Variants in MCTP1 observed in about 807,000 individuals in gnomAD.
The protein encoded by MCTP1 is multiple C2 and transmembrane domain-containing protein 1.
In MCTP1, 69 loss-of-function variants were observed where a neutral mutation model predicts 120.6. That is an observed-to-expected ratio of 0.57 (90% confidence interval 0.47 to 0.70). The LOEUF (loss-of-function observed/expected upper bound fraction) is 0.70, where lower values mean the gene tolerates loss of function less well. Ranked by LOEUF, MCTP1 falls within the 30% of genes least tolerant of loss-of-function variation. The pLI is 0.00. For synonymous variants in MCTP1, 529 were observed against 493.1 expected (o/e 1.07, Z -0.96); for missense variants, 1,203 against 1,248.8 (o/e 0.96, Z 0.55).
intron 1 of MCTP1, among the ~76,000 whole-genome samples, chr5:95,144,806 T>C (rs779218667): frequency 3.9e-5 from 6 of 152,198 alleles, no homozygotes; most frequent in Non-Finnish European, 8.8e-5. Context: ...TTGGTTACTA[T>C]AGCCTTGTAG....
intron 1 of MCTP1, among the ~76,000 whole-genome samples, chr5:95,245,440 A>G (rs1439409270): frequency 6.6e-6 from 1 of 152,186 alleles, no homozygotes; most frequent in African/African-American, 2.4e-5. Flanking sequence ...AAAAAGTTAG[A>G]CAAATGGCTA....
At chr5:95,216,248 T>C (rs569642048) in intron 1 of MCTP1, among the ~76,000 whole-genome samples, 1 of 152,316 alleles carries the variant, frequency 6.6e-6, no homozygotes, top group East Asian at 1.9e-4. Flanking sequence ...GTCATGTTAT[T>C]TACAGATAAC....
chr5:94,858,588 A>C (rs532259905), intron 17 of MCTP1, among the ~76,000 whole-genome samples: 1 of 151,766 alleles, frequency 6.6e-6, no homozygotes, highest in South Asian at 2.1e-4. Context: ...AGGACAATTT[A>C]ACTTACAAAC....
intron 18 of MCTP1, among the ~76,000 whole-genome samples, chr5:94,794,195 C>G (rs1165997373): frequency 6.6e-6 from 1 of 152,130 alleles, no homozygotes; most frequent in East Asian, 1.9e-4. Flanking sequence ...AATATCATGA[C>G]AGTAAAAATG....
chr5:95,211,320 C>T (rs557093564), intron 1 of MCTP1, among the ~76,000 whole-genome samples: 6 of 152,174 alleles, frequency 3.9e-5, no homozygotes, highest in African/African-American at 4.8e-5. Context: ...ACCAATCAGA[C>T]GTAGATTTGG....
intron 2 of MCTP1, among the ~76,000 whole-genome samples, chr5:94,956,112 T>C (rs1414784214): frequency 6.6e-6 from 1 of 152,200 alleles, no homozygotes; most frequent in Non-Finnish European, 1.5e-5. Flanking sequence ...CTGCTGGTGA[T>C]ACCCAGGCAA....
intron 18 of MCTP1, among the ~76,000 whole-genome samples, chr5:94,790,618 C>T (rs1778690312): frequency 6.6e-6 from 1 of 152,066 alleles, no homozygotes; most frequent in Admixed American, 6.5e-5. Context: ...TCATGTCGGG[C>T]CTTAAAATGG....
At chr5:95,019,963 G>T (rs1397349323) in intron 1 of MCTP1, among the ~76,000 whole-genome samples, 2 of 152,076 alleles carry the variant, frequency 1.3e-5, no homozygotes, top group East Asian at 3.9e-4. Context: ...AAACTTTGTT[G>T]AGGTCCAATT....
intron 2 of MCTP1, among the ~76,000 whole-genome samples, chr5:95,013,572 C>G (rs987403615): frequency 1.3e-5 from 2 of 152,128 alleles, no homozygotes; most frequent in Admixed American, 1.3e-4. Flanking sequence ...TATGCTAAAT[C>G]TACTCTGCCT....
At chr5:95,106,788 G>A (rs569471550) in intron 1 of MCTP1, among the ~76,000 whole-genome samples, 72 of 152,258 alleles carry the variant, frequency 4.7e-4, no homozygotes, top group Admixed American at 9.2e-4. Flanking sequence ...TTGAAAGCAT[G>A]GTTCACAGAT....
At chr5:95,163,533 G>A (rs1395718255) in intron 1 of MCTP1, among the ~76,000 whole-genome samples, 1 of 152,170 alleles carries the variant, frequency 6.6e-6, no homozygotes, top group Non-Finnish European at 1.5e-5. Context: ...TTACTATATA[G>A]AGAGCAGTAG....
intron 2 of MCTP1, among the ~76,000 whole-genome samples, chr5:94,990,381 G>A (rs1003510126): frequency 6.6e-6 from 1 of 152,170 alleles, no homozygotes; most frequent in African/African-American, 2.4e-5. Flanking sequence ...TCTGGACCCT[G>A]GGATCTTGGC....
In MCTP1 at chr5:95,198,483, T is replaced by C. The variant is rs114245123; in HGVS notation, c.720+85373A>G. Among the ~76,000 whole-genome samples the C allele has an allele frequency of 9.7e-4, 148 of 152,312 alleles. 1 individual carries two copies. The highest frequency in any genetic ancestry group is 3.5e-3 in the African/African-American group (146 of 41,572). ...AAGTAGGCTTTGTGTTAGACAATTTTGCCCAATTGTAGACTAATGTAATGT... is the reference window on the plus strand; with the variant it reads ...AAGTAGGCTTTGTGTTAGACAATTTCGCCCAATTGTAGACTAATGTAATGT... On this transcript the variant is annotated intron_variant, in intron 1 of 22. Transcript: ENST00000515393.
At chr5:94,847,219 C>T (rs970536866) in intron 17 of MCTP1, among the ~76,000 whole-genome samples, 1 of 152,156 alleles carries the variant, frequency 6.6e-6, no homozygotes, top group African/African-American at 2.4e-5. Flanking sequence ...GGCTGAGAAG[C>T]ACTGTTCTAA....
At chr5:94,989,157 C>T (rs1030500412) in intron 2 of MCTP1, among the ~76,000 whole-genome samples, 1 of 152,180 alleles carries the variant, frequency 6.6e-6, no homozygotes, top group African/African-American at 2.4e-5. Context: ...TCTCTAACTT[C>T]TGGCCTCAAG....
intron 17 of MCTP1, among the ~76,000 whole-genome samples, chr5:94,806,001 C>T (rs570290192): frequency 1.4e-3 from 216 of 151,614 alleles, no homozygotes; most frequent in Non-Finnish European, 1.8e-3. Context: ...ACTACTCTTG[C>T]GTCAGTACAA....
chr5:95,179,957 C>T (rs1346172208), intron 1 of MCTP1, among the ~76,000 whole-genome samples: 1 of 152,208 alleles, frequency 6.6e-6, no homozygotes, highest in Middle Eastern at 3.4e-3. Context: ...AAAAGATATT[C>T]CATTCAAATA....
chr5:95,024,263 G>A (rs1458302102), intron 1 of MCTP1, among the ~76,000 whole-genome samples: 1 of 151,906 alleles, frequency 6.6e-6, no homozygotes, highest in Non-Finnish European at 1.5e-5. Context: ...TCCATTTTGA[G>A]TTGATTTTTG....
intron 12 of MCTP1, among the ~76,000 whole-genome samples, chr5:94,887,445 T>A (rs1427961258): frequency 6.6e-6 from 1 of 152,154 alleles, no homozygotes; most frequent in Non-Finnish European, 1.5e-5. Context: ...CTTATACAAT[T>A]CTATCCAATT....
Sources: gnomAD v4.1 joint callset for allele counts (sites outside exome capture counted in the v4.1 genomes callset) on GRCh38, gnomAD v4.1.1 for gene constraint, MANE v1.5 for transcripts, NCBI Gene and HGNC (gene_info 2026-07-23, HGNC 2026-07-21) for gene names.